Variants in DLG2 observed in about 807,000 individuals in gnomAD.
DLG2 encodes discs large MAGUK scaffold protein 2.
DLG2 carries 45 observed loss-of-function variants against 132.5 expected under a neutral mutation model. The observed-to-expected ratio is 0.34, with a 90% CI of 0.27 to 0.44. DLG2 has a LOEUF of 0.44. DLG2 is among the 20% of genes least tolerant of loss of function. DLG2 has a pLI of 1.00. For synonymous variants in DLG2, 424 were observed against 419.6 expected (o/e 1.01, Z -0.13); for missense variants, 1,045 against 1,196.9 (o/e 0.87, Z 1.87).
chr11:83,794,437 GTTTTTTTTTT>G (rs200672667), intron 17 of DLG2, among the ~76,000 whole-genome samples: 4 of 127,498 alleles, frequency 3.1e-5, no homozygotes, highest in Non-Finnish European at 6.7e-5. Context: ...TTTACTATTG[GTTTTTTTTTT>G]TTTTTTTTTT....
rs185369267 is a variant in DLG2, at chr11:84,946,503, T to A, written c.357+165158A>T. 1.3e-4 allele frequency among the ~76,000 whole-genome samples: 20 copies of A among 152,240 alleles called. No homozygotes were observed. The East Asian group carries it at 3.9e-3, about 29-fold the overall frequency. On this transcript the variant is annotated intron_variant, in intron 6 of 27. Coordinates refer to ENST00000376104, the MANE Select transcript of DLG2 (RefSeq NM_001142699.3). ...ATGGCCCAGGATGTGTCCAGAAATC[T>A]CTTTCAGGAGCTAGATCCTGAAATA...
At chr11:85,133,042 C>T in intron 5 of DLG2, 1 of 346,786 alleles carries the variant, frequency 2.9e-6, no homozygotes. Context: ...CCGGTGGCTT[C>T]CTGGGCTCCG....
chr11:85,246,304 C>G (rs145334561), intron 4 of DLG2, among the ~76,000 whole-genome samples: 3,023 of 151,852 alleles, frequency 0.02, 59 homozygotes, highest in Admixed American at 0.037. Context: ...AAGGTTTATT[C>G]ACAAAGAAAC....
intron 6 of DLG2, among the ~76,000 whole-genome samples, chr11:84,616,402 C>A (rs1593884166): frequency 6.6e-6 from 1 of 152,150 alleles, no homozygotes; most frequent in East Asian, 1.9e-4. Context: ...GGCAGGGGAA[C>A]TGTCTGAAGT....
chr11:84,136,540 G>A (rs1280077185), intron 9 of DLG2, among the ~76,000 whole-genome samples: 4 of 152,084 alleles, frequency 2.6e-5, no homozygotes, highest in Non-Finnish European at 2.9e-5. Flanking sequence ...ATAATCTAAC[G>A]AAGTGAAGGA....
intron 11 of DLG2, among the ~76,000 whole-genome samples, chr11:83,987,975 T>C (rs1337004357): frequency 6.6e-6 from 1 of 152,126 alleles, no homozygotes; most frequent in Non-Finnish European, 1.5e-5. Flanking sequence ...CACTTTTTAA[T>C]GGGGTTGTTT....
At chr11:85,050,887 C>T (rs2062822164) in intron 6 of DLG2, among the ~76,000 whole-genome samples, 1 of 152,018 alleles carries the variant, frequency 6.6e-6, no homozygotes, top group South Asian at 2.1e-4. Flanking sequence ...GTTTGCTCTG[C>T]ATTAGCATTA....
chr11:84,641,363 A>C (rs2099663987), intron 6 of DLG2, among the ~76,000 whole-genome samples: 1 of 152,212 alleles, frequency 6.6e-6, no homozygotes. Flanking sequence ...CGCTCAATAA[A>C]TGTTAGCTAT....
At chr11:83,975,394 G>C (rs976073403) in intron 12 of DLG2, among the ~76,000 whole-genome samples, 8 of 151,820 alleles carry the variant, frequency 5.3e-5, no homozygotes, top group Non-Finnish European at 1.5e-5. Flanking sequence ...AATTCTAAGT[G>C]ACAAAGGAAA....
At chr11:85,432,643 C>T (rs1337702558) in intron 3 of DLG2, among the ~76,000 whole-genome samples, 1 of 151,928 alleles carries the variant, frequency 6.6e-6, no homozygotes, top group Non-Finnish European at 1.5e-5. Flanking sequence ...AATGAACAAA[C>T]CAAACCTCCC....
intron 6 of DLG2, among the ~76,000 whole-genome samples, chr11:84,699,889 C>A (rs1018663053): frequency 6.6e-6 from 1 of 151,566 alleles, no homozygotes; most frequent in African/African-American, 2.4e-5. Flanking sequence ...AAGTGCATGA[C>A]CTGAGTCTCA....
At chr11:84,648,791 ATC>A (rs1289235325) in intron 6 of DLG2, among the ~76,000 whole-genome samples, 4 of 146,426 alleles carry the variant, frequency 2.7e-5, no homozygotes, top group East Asian at 2.0e-4. Context: ...ATATATATAT[ATC>A]TCACACACAC....
intron 15 of DLG2, among the ~76,000 whole-genome samples, chr11:83,905,321 G>T (rs962581223): frequency 6.6e-6 from 1 of 152,170 alleles, no homozygotes; most frequent in Admixed American, 6.6e-5. Flanking sequence ...TCTCACTTTT[G>T]ATCTGATTCT....
intron 19 of DLG2, among the ~76,000 whole-genome samples, chr11:83,584,453 A>G (rs901775845): frequency 3.9e-5 from 6 of 152,240 alleles, no homozygotes; most frequent in Non-Finnish European, 8.8e-5. Flanking sequence ...CTTAAGGTCT[A>G]TGTGCCAAGT....
intron 17 of DLG2, among the ~76,000 whole-genome samples, chr11:83,810,554 TC>T (rs1417511252): frequency 6.6e-6 from 1 of 152,080 alleles, no homozygotes; most frequent in Non-Finnish European, 1.5e-5. Flanking sequence ...GTACTTTAGT[TC>T]CTTTGTTTAT....
At chr11:85,006,138 G>A (rs1445258831) in intron 6 of DLG2, among the ~76,000 whole-genome samples, 1 of 152,136 alleles carries the variant, frequency 6.6e-6, no homozygotes, top group Non-Finnish European at 1.5e-5. Context: ...ATAGTTTATT[G>A]AGGATTTTTG....
At chr11:85,303,109 A>G (rs1204081055) in intron 3 of DLG2, among the ~76,000 whole-genome samples, 1 of 152,164 alleles carries the variant, frequency 6.6e-6, no homozygotes, top group Non-Finnish European at 1.5e-5. Flanking sequence ...TTAGAAGGAC[A>G]TTTTAGGCTT....
chr11:84,843,947 T>G (rs904396416), intron 6 of DLG2, among the ~76,000 whole-genome samples: 2 of 150,944 alleles, frequency 1.3e-5, no homozygotes, highest in Non-Finnish European at 3.0e-5. Flanking sequence ...TATGTCCTAT[T>G]TATATACATA....
intron 15 of DLG2, among the ~76,000 whole-genome samples, chr11:83,875,097 A>T (rs542894681): frequency 5.3e-5 from 8 of 152,132 alleles, no homozygotes; most frequent in Non-Finnish European, 8.8e-5. Flanking sequence ...TGTATTTATT[A>T]GTTCAAATTT....
Sources: allele counts gnomAD v4.1 joint callset (sites outside exome capture counted in the v4.1 genomes callset), GRCh38; gene constraint gnomAD v4.1.1; transcripts MANE v1.5; gene names NCBI Gene and HGNC (gene_info 2026-07-23, HGNC 2026-07-21).